WAPL: variants seen among roughly 807,000 people sequenced by gnomAD.
The protein encoded by WAPL is WAPL cohesin release factor.
WAPL carries 5 observed loss-of-function variants against 121.0 expected under a neutral mutation model. The ratio of observed to expected loss-of-function variants is 0.04; its 90% CI spans 0.02 to 0.09. The LOEUF (loss-of-function observed/expected upper bound fraction) is 0.09, where lower values mean the gene tolerates loss of function less well. Ranked by LOEUF, WAPL falls within the 10% of genes least tolerant of loss-of-function variation. WAPL has a pLI of 1.00. For missense variants in WAPL, 999 were observed against 1,410.8 expected, an observed-to-expected ratio of 0.71 and a Z score of 4.68; for synonymous variants, 480 against 481.5, an observed-to-expected ratio of 1.00 and a Z score of 0.04.
At chr10:86,440,967 G>A (rs1849456097) in intron 17 of WAPL, among the ~76,000 whole-genome samples, 1 of 151,004 alleles carries the variant, frequency 6.6e-6, no homozygotes, top group African/African-American at 2.4e-5. Context: ...GGTACACAGA[G>A]CCAGCATGAG....
At chr10:86,498,922 A>G (rs1842196680) in intron 3 of WAPL, among the ~76,000 whole-genome samples, 1 of 152,204 alleles carries the variant, frequency 6.6e-6, no homozygotes, top group Admixed American at 6.5e-5. Flanking sequence ...AAACCAACTT[A>G]GGAGGGTTTG....
Position 86,472,783 on chromosome 10 carries a change from A to T in WAPL, c.1741-19T>A, listed in dbSNP as rs200292807. The T allele has an allele frequency of 6.3e-7, 1 of 1,586,052 alleles. No individual in the cohort carries two copies. The highest frequency in any genetic ancestry group is 2.2e-5 in the East Asian group (1 of 44,456). On this transcript the variant is annotated intron_variant, in intron 5 of 18. Coordinates refer to ENST00000298767, the MANE Select transcript of WAPL (RefSeq NM_015045.5). This position sits in a 1 kb window ranked among gnomAD's most constrained non-coding sequence, Gnocchi z 4.2. ...GCCTCACCTATTAATAAAGGTATTA[A>T]ATTAGTTGTTCTAAATAAATATATA... is the stretch of plus-strand genomic sequence containing the variant.
chr10:86,496,309 G>C (rs1293584606), intron 4 of WAPL, among the ~76,000 whole-genome samples: 2 of 152,094 alleles, frequency 1.3e-5, no homozygotes, highest in African/African-American at 4.8e-5. Context: ...GTAAGGATAC[G>C]AAGAAACTAG....
chr10:86,496,624 A>G (rs1184927424), intron 4 of WAPL, among the ~76,000 whole-genome samples: 1 of 152,174 alleles, frequency 6.6e-6, no homozygotes, highest in East Asian at 1.9e-4. Context: ...CACACAATGG[A>G]ATATTCTTTT....
At chr10:86,463,108 A>C (rs899358633) in intron 9 of WAPL, among the ~76,000 whole-genome samples, 1 of 152,258 alleles carries the variant, frequency 6.6e-6, no homozygotes, top group African/African-American at 2.4e-5. Context: ...TCAGAATTAA[A>C]GCACAGCCAA....
At chr10:86,467,811 G>C (rs1288297884) in intron 8 of WAPL, among the ~76,000 whole-genome samples, 1 of 151,480 alleles carries the variant, frequency 6.6e-6, no homozygotes, top group Admixed American at 6.6e-5. Context: ...TGAGTAGCTC[G>C]GACTACTGGT....
intron 17 of WAPL, among the ~76,000 whole-genome samples, chr10:86,440,663 C>T (rs957577983): frequency 6.6e-6 from 1 of 151,936 alleles, no homozygotes; most frequent in Non-Finnish European, 1.5e-5. Context: ...TTCTGATTTG[C>T]TCTTAAAATC....
intron 8 of WAPL, among the ~76,000 whole-genome samples, chr10:86,469,249 T>TAAATCATTAATAAAATGTCTCAAAATCAC (rs1431794434): frequency 2.0e-5 from 2 of 100,774 alleles, no homozygotes; most frequent in Admixed American, 2.0e-4. Context: ...AATAATTTTT[T>TAAATCATTAATAAAATGTCTCAAAATCAC]TTTTTTTTTT....
At chr10:86,512,516 T>C (rs530120331) in intron 2 of WAPL, among the ~76,000 whole-genome samples, 1 of 152,366 alleles carries the variant, frequency 6.6e-6, no homozygotes, top group African/African-American at 2.4e-5. Flanking sequence ...AGAGAAGCCT[T>C]CTTTTTGCCT....
chr10:86,497,079 T>C, intron 4 of WAPL, 122 bp downstream of exon 4: 1 of 807,466 alleles, frequency 1.2e-6, no homozygotes, highest in Non-Finnish European at 1.9e-6. Context: ...AAAAACGACT[T>C]ACACATATCC....
At position 86,500,206 on chromosome 10, in the gene WAPL, G is replaced by T. The variant is rs1842221076; in HGVS notation, c.1037C>A (p.Thr346Asn). ...CCGTCCAACTGTCCCTCTAAAACTG[G>T]TCCCACAACTTACACCCCCTTTCTT... ...QAKKGGVSCG[T>N]SFRGTVGRTR... Residue 346 changes from threonine to asparagine, a missense_variant, in exon 3 of 19, where the codon ACC becomes AAC. Transcript: ENST00000298767. 6.2e-7 allele frequency: 1 copy of T among 1,614,062 alleles called. No homozygotes were observed. The highest frequency in any genetic ancestry group is 1.3e-5 in the African/African-American group (1 of 75,028).
At position 86,443,471 on chromosome 10, in the gene WAPL, G is replaced by A. The variant is rs60368478; in HGVS notation, c.3323-108C>T. On this transcript the variant is annotated intron_variant, in intron 16 of 18. Transcript: ENST00000298767. ...TACTTTAAAACTGCTACAAATCAACGAATGATGCTAGGACAACTGGATATC... is the reference window on the plus strand; with the variant it reads ...TACTTTAAAACTGCTACAAATCAACAAATGATGCTAGGACAACTGGATATC... 198 of 817,958 alleles carry A rather than the reference G, an allele frequency of 2.4e-4. No individual in the cohort carries two copies. The African/African-American group carries it at 2.5e-3, about 10-fold the overall frequency. 50.7% of individuals were successfully genotyped at this position (817,958 alleles called of 1,614,324 possible). A position where few individuals can be genotyped will look rare whatever the true frequency, so the allele number is the denominator to read the frequency against.
intron 4 of WAPL, among the ~76,000 whole-genome samples, chr10:86,495,728 C>CTAATG (rs1397633950): frequency 6.6e-6 from 1 of 152,068 alleles, no homozygotes; most frequent in Non-Finnish European, 1.5e-5. Flanking sequence ...TGAAAAACAA[C>CTAATG]TAATGAAATA....
At chr10:86,455,112 G>T (rs1841107443) in intron 12 of WAPL, among the ~76,000 whole-genome samples, 1 of 147,364 alleles carries the variant, frequency 6.8e-6, no homozygotes, top group African/African-American at 2.5e-5. Context: ...GGAGGTGGGG[G>T]GGTGCCTCTG....
In WAPL at chr10:86,459,059, C is replaced by T. The variant is rs1428769249; in HGVS notation, c.2587G>A (p.Val863Met). ...RCLRVLESVTVHNPENQSYLI... is the reference protein window; with the variant it reads ...RCLRVLESVTMHNPENQSYLI... ...TAGCTTTGATTTTCGGGATTATGCA[C>T]AGTTACCTAAAAAGGAAGAATATGA... Residue 863 changes from valine (V) to methionine (M), a missense_variant, in exon 12 of 19, where the codon GTG (valine) becomes ATG (methionine). Val to Met is a conservative substitution (Grantham distance 21, BLOSUM62 1). Around this residue, in one of 7 missense-constraint regions of WAPL, gnomAD observed 118 missense variants for 318.3 expected, o/e 0.37. Coordinates refer to ENST00000298767, the MANE Select transcript of WAPL (RefSeq NM_015045.5). The T allele has an allele frequency of 3.7e-6, 6 of 1,604,672 alleles. No homozygotes were observed. Among genetic ancestry groups the T allele is most frequent in the African/African-American group, 1.3e-5 (1 of 74,666 alleles).
intron 4 of WAPL, among the ~76,000 whole-genome samples, chr10:86,489,315 G>A (rs1385332032): frequency 1.3e-5 from 2 of 152,102 alleles, no homozygotes; most frequent in African/African-American, 4.8e-5. Flanking sequence ...AACATTACTG[G>A]GACAAATGCT....
In WAPL at chr10:86,472,083, T is replaced by C. The variant is rs1175394849; in HGVS notation, c.2030+125A>G. 7.7e-6 allele frequency: 6 copies of C among 783,996 alleles called. No homozygotes were observed. The highest frequency in any genetic ancestry group is 1.1e-5 in the Non-Finnish European group (6 of 535,516). 48.6% of individuals were successfully genotyped at this position (783,996 alleles called of 1,614,324 possible). On this transcript the variant is annotated intron_variant, in intron 7 of 18. Coordinates refer to ENST00000298767, the MANE Select transcript of WAPL (RefSeq NM_015045.5). This position sits in a 1 kb window ranked among gnomAD's most constrained non-coding sequence, Gnocchi z 4.2. ...AAGAAATGGATAGCATTTTAACATA[T>C]CACTGGCTATACATACTACCCCATC...
chr10:86,451,258 T>G (rs1840970410), intron 15 of WAPL, among the ~76,000 whole-genome samples: 1 of 152,026 alleles, frequency 6.6e-6, no homozygotes, highest in South Asian at 2.1e-4. Flanking sequence ...ATAGAACAAA[T>G]GTGCCTTTGT....
At chr10:86,495,282 C>A (rs1284590907) in intron 4 of WAPL, among the ~76,000 whole-genome samples, 1 of 152,104 alleles carries the variant, frequency 6.6e-6, no homozygotes. Context: ...GCATGGGCAA[C>A]AAACTGAAAC....
Sources: gnomAD v4.1 joint callset for allele counts (sites outside exome capture counted in the v4.1 genomes callset) on GRCh38, gnomAD v4.1.1 for gene constraint, gnomAD v4.1.1 regional missense constraint, Gnocchi (gnomAD v3.1) non-coding constraint, MANE v1.5 for transcripts, NCBI Gene and HGNC (gene_info 2026-07-23, HGNC 2026-07-21) for gene names.